The following NUP54 variants were observed in gnomAD, a reference collection of about 807,000 sequenced individuals.
NUP54 encodes the protein nucleoporin p54.
Under a neutral mutation model 66.4 loss-of-function variants are expected in NUP54, and 27 were observed. The observed-to-expected ratio is 0.41, with a 90% CI of 0.30 to 0.56. The LOEUF (loss-of-function observed/expected upper bound fraction) is 0.56. Ranked by LOEUF, NUP54 falls within the 20% of genes least tolerant of loss-of-function variation. NUP54 has a pLI of 0.34. For synonymous variants in NUP54, 206 were observed against 210.7 expected (o/e 0.98, Z 0.19); for missense variants, 486 against 596.3 (o/e 0.82, Z 1.93).
intron 9 of NUP54, chr4:76,118,420 C>T: frequency 2.2e-6 from 1 of 463,066 alleles, no homozygotes; most frequent in Admixed American, 3.5e-5. Flanking sequence ...GGGTCTTGCT[C>T]TGTCTCCCAG....
At chr4:76,124,568 C>G in intron 9 of NUP54, 81 bp downstream of exon 9, 1 of 462,378 alleles carries the variant, frequency 2.2e-6, no homozygotes, top group South Asian at 5.1e-5. Context: ...ATTTTTTTTT[C>G]TATTTTAAAA....
intron 8 of NUP54, among the ~76,000 whole-genome samples, chr4:76,129,966 G>GTTTTTTTTTTTTTTTTTT (rs775109047): frequency 3.5e-5 from 2 of 56,824 alleles, no homozygotes; most frequent in Non-Finnish European, 6.0e-5. Context: ...AATTATGAAA[G>GTTTTTTTTTTTTTTTTTT]TTTTTTTTTT....
intron 3 of NUP54, among the ~76,000 whole-genome samples, chr4:76,138,652 C>T (rs1030168528): frequency 1.3e-5 from 2 of 152,148 alleles, no homozygotes; most frequent in African/African-American, 4.8e-5. Flanking sequence ...AATAAGGGAG[C>T]TGATCAAGCC....
At chr4:76,120,709 G>C (rs1730199282) in intron 9 of NUP54, among the ~76,000 whole-genome samples, 1 of 152,202 alleles carries the variant, frequency 6.6e-6, no homozygotes, top group South Asian at 2.1e-4. Context: ...TTACAGGCGT[G>C]AGCCACTGCG....
Position 76,148,311 on chromosome 4 carries a change from C to T in NUP54, c.64G>A (p.Ala22Thr). 1 of 1,508,310 alleles carries T rather than the reference C, an allele frequency of 6.6e-7. No individual in the cohort carries two copies. Among genetic ancestry groups the T allele is most frequent in the Non-Finnish European group, 8.9e-7 (1 of 1,126,596 alleles). 93.4% of individuals were successfully genotyped at this position (1,508,310 alleles called of 1,614,324 possible). ...AAGGTCTAGGGGGATCACTCACCCG[C>T]GGGGGCCGCGGTGGCTGCAGCGGTA... Reference protein sequence around the residue: ...SGTAAATAAPAGGFGGFGTTS... With the variant: ...SGTAAATAAPTGGFGGFGTTS... Residue 22 changes from alanine (A) to threonine (T), a missense_variant, in exon 1 of 12, where the codon GCG becomes ACG. Around this residue, in one of 4 missense-constraint regions of NUP54, gnomAD observed 145 missense variants for 137.1 expected, o/e 1.06. Coordinates refer to ENST00000264883, the MANE Select transcript of NUP54 (RefSeq NM_017426.4).
intron 11 of NUP54, among the ~76,000 whole-genome samples, 153 bp from the exon 12 acceptor site, chr4:76,115,647 G>A (rs1449129865): frequency 1.3e-5 from 2 of 152,138 alleles, no homozygotes; most frequent in Non-Finnish European, 2.9e-5. Context: ...TTAAACATTT[G>A]TACTACATCT....
intron 8 of NUP54, among the ~76,000 whole-genome samples, chr4:76,127,148 T>C (rs761131745): frequency 9.2e-5 from 14 of 152,242 alleles, no homozygotes; most frequent in African/African-American, 2.9e-4. Context: ...ATTAAAAATA[T>C]AGGGCTGGGC....
chr4:76,121,396 G>A (rs775949533), intron 9 of NUP54, among the ~76,000 whole-genome samples: 9 of 152,000 alleles, frequency 5.9e-5, no homozygotes, highest in Non-Finnish European at 1.2e-4. Context: ...TTTCTTTTTT[G>A]TTCCTGAACA....
At chr4:76,115,940 T>G (rs1057292431) in intron 11 of NUP54, among the ~76,000 whole-genome samples, 11 of 152,206 alleles carry the variant, frequency 7.2e-5, no homozygotes, top group African/African-American at 2.7e-4. Context: ...CTCCTCCTCA[T>G]GGGTTAAGGT....
intron 7 of NUP54, 36 bp from the exon 8 acceptor site, chr4:76,130,785 G>T: frequency 7.5e-7 from 1 of 1,338,434 alleles, no homozygotes. Flanking sequence ...CAGACCTTAA[G>T]CCTATTACTA....
chr4:76,133,317 T>A (rs1409904703), intron 5 of NUP54, among the ~76,000 whole-genome samples: 1 of 151,964 alleles, frequency 6.6e-6, no homozygotes, highest in African/African-American at 2.4e-5. Context: ...TATTTGTTTT[T>A]TTTTTTGAGA....
In NUP54 at chr4:76,145,675, A is replaced by G. The variant is rs61078184; in HGVS notation, c.68-1202T>C. On this transcript the variant is annotated intron_variant, in intron 1 of 11. Coordinates refer to ENST00000264883, the MANE Select transcript of NUP54 (RefSeq NM_017426.4). Reference sequence around the variant, plus strand: ...ATTGTCAGTCTTCAGCTGATTACCAATGTGGTATCAAAAAGCCTTTCAAGA... The same window carrying G: ...ATTGTCAGTCTTCAGCTGATTACCAGTGTGGTATCAAAAAGCCTTTCAAGA... 1.7e-3 allele frequency: 1,143 copies of G among 675,808 alleles called. 5 individuals are homozygous for G. The African/African-American group carries it at 0.02, about 12-fold the overall frequency. The allele number at this position is 675,808 out of a possible 1,614,324, so 41.9% of individuals were successfully genotyped here. A position where few individuals can be genotyped will look rare whatever the true frequency, so the allele number is the denominator to read the frequency against.
intron 1 of NUP54, 181 bp downstream of exon 1, chr4:76,148,127 C>T (rs1023628056): frequency 2.2e-6 from 1 of 449,098 alleles, no homozygotes; most frequent in Non-Finnish European, 3.9e-6. Flanking sequence ...CCCGAGTACC[C>T]CCGTGGCCTC....
At chr4:76,121,395 TG>T (rs1466010449) in intron 9 of NUP54, among the ~76,000 whole-genome samples, 1 of 152,226 alleles carries the variant, frequency 6.6e-6, no homozygotes, top group African/African-American at 2.4e-5. Flanking sequence ...ATTTCTTTTT[TG>T]TTCCTGAACA....
intron 3 of NUP54, 133 bp downstream of exon 3, chr4:76,144,016 A>G: frequency 1.1e-6 from 1 of 916,398 alleles, no homozygotes; most frequent in South Asian, 1.8e-5. Context: ...AAACATGAAA[A>G]GTAACATTCC....
At chr4:76,142,696 A>C (rs1158184827) in intron 3 of NUP54, among the ~76,000 whole-genome samples, 4 of 152,246 alleles carry the variant, frequency 2.6e-5, no homozygotes, top group Non-Finnish European at 5.9e-5. Context: ...TTAGTAAGGA[A>C]GCCATCAAAG....
intron 1 of NUP54, chr4:76,147,572 C>T: frequency 7.8e-7 from 1 of 1,289,678 alleles, no homozygotes; most frequent in South Asian, 1.2e-5. Flanking sequence ...GCAGGATTAG[C>T]AGTTAATCCG....
intron 4 of NUP54, 96 bp downstream of exon 4, chr4:76,136,090 G>T: frequency 4.9e-6 from 4 of 819,842 alleles, no homozygotes; most frequent in Non-Finnish European, 7.9e-6. Flanking sequence ...TGTTCAAGGA[G>T]TAAAGATCCA....
rs1730039760 is a variant in NUP54, at chr4:76,118,196, T to C, written c.1165-2A>G. ...TTGAATTTCCTGTTTGATTAGGACC[T>C]ATACAAATAAAAACCACCAATAACA... On this transcript the variant is annotated splice_acceptor_variant, in intron 9 of 11. Transcript: ENST00000264883. LOFTEE classifies it high-confidence loss of function. 1 of 1,612,524 alleles carries C rather than the reference T, an allele frequency of 6.2e-7. No individual in the cohort carries two copies. The highest frequency in any genetic ancestry group is 8.5e-7 in the Non-Finnish European group (1 of 1,178,964).
Sources: allele counts gnomAD v4.1 joint callset (sites outside exome capture counted in the v4.1 genomes callset), GRCh38; gene constraint gnomAD v4.1.1; regional missense constraint gnomAD v4.1.1; transcripts MANE v1.5; gene names NCBI Gene and HGNC (gene_info 2026-07-23, HGNC 2026-07-21).